PLCB1: variants seen among roughly 807,000 people sequenced by gnomAD.
The protein encoded by PLCB1 is phospholipase C beta 1.
In PLCB1, 46 loss-of-function variants were observed where a neutral mutation model predicts 161.8. The ratio of observed to expected loss-of-function variants is 0.28; its 90% CI spans 0.22 to 0.36. PLCB1 has a LOEUF of 0.36. Among genes scored for constraint, PLCB1 ranks in the 10% least tolerant of loss-of-function variants. The pLI is 1.00. For missense variants in PLCB1, 1,016 were observed against 1,472.5 expected (o/e 0.69, Z 5.07); for synonymous variants, 517 against 503.7 (o/e 1.03, Z -0.35).
At chr20:8,868,386 C>A (rs998432274) in intron 31 of PLCB1, among the ~76,000 whole-genome samples, 1 of 152,150 alleles carries the variant, frequency 6.6e-6, no homozygotes, top group Non-Finnish European at 1.5e-5. Flanking sequence ...CAATAAGACC[C>A]TGGGCCATGG....
chr20:8,584,807 C>T (rs931281153), intron 3 of PLCB1, among the ~76,000 whole-genome samples: 2 of 152,150 alleles, frequency 1.3e-5, no homozygotes, highest in Non-Finnish European at 2.9e-5. Context: ...TCTCCTGCCT[C>T]AGCCTCCTTA....
chr20:8,854,938 C>T (rs1987019194), intron 31 of PLCB1, among the ~76,000 whole-genome samples: 1 of 151,988 alleles, frequency 6.6e-6, no homozygotes, highest in Non-Finnish European at 1.5e-5. Context: ...TAATGGATAG[C>T]CTAAAGACTT....
At chr20:8,442,076 T>C (rs1235149257) in intron 3 of PLCB1, among the ~76,000 whole-genome samples, 1 of 152,208 alleles carries the variant, frequency 6.6e-6, no homozygotes, top group African/African-American at 2.4e-5. Flanking sequence ...CATTTGTTAA[T>C]GTGTGCATGT....
chr20:8,845,144 T>C (rs1215910821), intron 31 of PLCB1, among the ~76,000 whole-genome samples: 1 of 152,078 alleles, frequency 6.6e-6, no homozygotes, highest in Non-Finnish European at 1.5e-5. Context: ...TAAAATAAAG[T>C]ACTAGATTAT....
chr20:8,656,906 T>C (rs1989475857), intron 7 of PLCB1, among the ~76,000 whole-genome samples: 1 of 151,690 alleles, frequency 6.6e-6, no homozygotes, highest in Non-Finnish European at 1.5e-5. Context: ...AGGAGACAAT[T>C]CTTAAACTTA....
intron 31 of PLCB1, among the ~76,000 whole-genome samples, chr20:8,809,583 G>A (rs540592993): frequency 4.3e-4 from 65 of 152,008 alleles, no homozygotes; most frequent in Admixed American, 2.0e-3. Context: ...ATCATTTACC[G>A]GCATACCACT....
rs1399463403 is a variant in PLCB1 at position 8,881,953 on chromosome 20, C to T, written c.*104C>T. 4.0e-6 allele frequency: 3 copies of T among 753,186 alleles called. No homozygotes were observed. The highest frequency in any genetic ancestry group is 2.5e-5 in the Admixed American group (1 of 39,676). 46.7% of individuals were successfully genotyped at this position (753,186 alleles called of 1,614,324 possible). A position where few individuals can be genotyped will look rare whatever the true frequency, so the allele number is the denominator to read the frequency against. ...CAGGACCATCTTCCCGAGAAGCATC[C>T]CTTAGCCTAAAATCCACACCAAAGG... On this transcript the variant is annotated 3_prime_UTR_variant, in exon 32 of 32. Transcript: ENST00000338037.
At chr20:8,143,601 G>T (rs1181279008) in intron 1 of PLCB1, among the ~76,000 whole-genome samples, 1 of 152,208 alleles carries the variant, frequency 6.6e-6, no homozygotes, top group African/African-American at 2.4e-5. Flanking sequence ...AGCATGGAAG[G>T]TTTCCCTGGA....
At chr20:8,569,425 G>C in intron 3 of PLCB1, among the ~76,000 whole-genome samples, 1 of 152,134 alleles carries the variant, frequency 6.6e-6, no homozygotes, top group East Asian at 1.9e-4. Flanking sequence ...TTATAAAACT[G>C]TGATAAAGCC....
At chr20:8,215,367 A>G (rs762921173) in intron 2 of PLCB1, among the ~76,000 whole-genome samples, 6 of 152,086 alleles carry the variant, frequency 3.9e-5, no homozygotes, top group Non-Finnish European at 7.4e-5. Context: ...CTTTGAAGCT[A>G]GGATGCTTGG....
At chr20:8,333,300 C>G (rs1422836310) in intron 2 of PLCB1, among the ~76,000 whole-genome samples, 2 of 152,180 alleles carry the variant, frequency 1.3e-5, no homozygotes, top group African/African-American at 4.8e-5. Context: ...TGAATTAAGG[C>G]ACTGAGTTCT....
At chr20:8,842,651 C>T (rs1381248302) in intron 31 of PLCB1, among the ~76,000 whole-genome samples, 1 of 152,136 alleles carries the variant, frequency 6.6e-6, no homozygotes, top group Non-Finnish European at 1.5e-5. Context: ...ATTCCTGTCC[C>T]TTTTAAGGGC....
intron 3 of PLCB1, among the ~76,000 whole-genome samples, chr20:8,397,677 G>A (rs2745757): frequency 0.26 from 39,889 of 151,942 alleles, 6,503 homozygotes; most frequent in African/African-American, 0.45. Context: ...CAAAATATAT[G>A]TAAATTGCCT....
At chr20:8,569,788 A>G (rs1986447911) in intron 3 of PLCB1, among the ~76,000 whole-genome samples, 1 of 152,180 alleles carries the variant, frequency 6.6e-6, no homozygotes, top group Non-Finnish European at 1.5e-5. Flanking sequence ...CAGCTATCTT[A>G]TTTTTCAACA....
intron 3 of PLCB1, among the ~76,000 whole-genome samples, chr20:8,533,615 T>C (rs914098411): frequency 7.9e-5 from 12 of 151,464 alleles, no homozygotes; most frequent in Admixed American, 6.6e-4. Flanking sequence ...TGATGGCCAG[T>C]GATGGTGAGC....
chr20:8,304,039 G>A (rs1348597094), intron 2 of PLCB1, among the ~76,000 whole-genome samples: 2 of 152,198 alleles, frequency 1.3e-5, no homozygotes, highest in Non-Finnish European at 2.9e-5. Context: ...TAAGAAGTGA[G>A]CAAGCTCCTA....
rs2235614 is a variant in PLCB1 at position 8,774,336 on chromosome 20, C to A, written c.2931-203C>A. Among the ~76,000 whole-genome samples, 47,646 of 152,080 alleles carry A rather than the reference C, an allele frequency of 0.31. 7,538 individuals are homozygous for A. Among genetic ancestry groups the A allele is most frequent in the Middle Eastern group, 0.48 (142 of 294 alleles). On this transcript the variant is annotated intron_variant, in intron 26 of 31. Coordinates refer to ENST00000338037, the MANE Select transcript of PLCB1 (RefSeq NM_015192.4). ...TCTGCCCCTGCCTCTTTCTAGAGCA[C>A]CATGAATTCCATTCAGTCTCTGGGA...
intron 2 of PLCB1, among the ~76,000 whole-genome samples, chr20:8,370,085 T>A (rs1986857174): frequency 6.6e-6 from 1 of 152,190 alleles, no homozygotes; most frequent in Non-Finnish European, 1.5e-5. Context: ...TAGGATGCAG[T>A]GCCTCCTTCC....
Position 8,697,610 on chromosome 20 carries a change from T to C in PLCB1, c.1010-16T>C. 7 of 1,613,834 alleles carry C rather than the reference T, an allele frequency of 4.3e-6. No individual in the cohort carries two copies. The highest frequency in any genetic ancestry group is 5.9e-6 in the Non-Finnish European group (7 of 1,179,810). On this transcript the variant is annotated splice_polypyrimidine_tract_variant and intron_variant, in intron 10 of 31. Transcript: ENST00000338037. The stretch of plus-strand genomic sequence containing the variant: ...CTTCATGGGAATCTGGGGTTTGTTT[T>C]GTTGGTGTTTTATAGCTGGCCAACT...
Sources: gnomAD v4.1 joint callset for allele counts (sites outside exome capture counted in the v4.1 genomes callset) on GRCh38, gnomAD v4.1.1 for gene constraint, MANE v1.5 for transcripts, NCBI Gene and HGNC (gene_info 2026-07-23, HGNC 2026-07-21) for gene names.